The following UBAC2 variants were observed in gnomAD, a reference collection of about 807,000 sequenced individuals.
The protein encoded by UBAC2 is UBA domain containing 2, also known as ubiquitin-associated domain-containing protein 2.
Under a neutral mutation model 44.0 loss-of-function variants are expected in UBAC2, and 26 were observed. The observed-to-expected ratio is 0.59, with a 90% CI of 0.43 to 0.82. The LOEUF is 0.82. Ranked by LOEUF, UBAC2 falls within the 40% of genes least tolerant of loss-of-function variation. The pLI, the probability that UBAC2 is intolerant of heterozygous loss-of-function variation, is 0.00. For synonymous variants in UBAC2, 155 were observed against 154.3 expected (o/e 1.00, Z -0.04); for missense variants, 329 against 419.4 (o/e 0.78, Z 1.88).
intron 4 of UBAC2, among the ~76,000 whole-genome samples, chr13:99,307,651 T>C (rs1310691566): frequency 6.6e-6 from 1 of 152,218 alleles, no homozygotes; most frequent in Non-Finnish European, 1.5e-5. Flanking sequence ...TAAATTTTTC[T>C]GTAAAGGTTT....
At chr13:99,251,984 C>T (rs1397598252) in intron 4 of UBAC2, among the ~76,000 whole-genome samples, 1 of 152,210 alleles carries the variant, frequency 6.6e-6, no homozygotes, top group African/African-American at 2.4e-5. Context: ...TGGCCTTGAA[C>T]TCCTAAGCTC....
chr13:99,344,845 C>T (rs868697195), intron 7 of UBAC2, among the ~76,000 whole-genome samples: 12 of 152,092 alleles, frequency 7.9e-5, no homozygotes, highest in Non-Finnish European at 1.6e-4. Flanking sequence ...CTGGTGGCTT[C>T]GCTGTGGGCA....
chr13:99,355,911 C>T (rs552992267), intron 7 of UBAC2, among the ~76,000 whole-genome samples: 1 of 152,346 alleles, frequency 6.6e-6, no homozygotes, highest in South Asian at 2.1e-4. Flanking sequence ...TTCCCTGCAC[C>T]TCCAGGGCCT....
intron 4 of UBAC2, among the ~76,000 whole-genome samples, chr13:99,285,371 ATTAT>A (rs1401101738): frequency 6.8e-6 from 1 of 148,120 alleles, no homozygotes; most frequent in Non-Finnish European, 1.5e-5. Context: ...TAACTGGCTC[ATTAT>A]TTATTATTAC....
chr13:99,320,361 CA>C (rs991136142), intron 6 of UBAC2, among the ~76,000 whole-genome samples: 29 of 151,490 alleles, frequency 1.9e-4, no homozygotes, highest in African/African-American at 7.0e-4. Flanking sequence ...AATTCTTGAC[CA>C]AAAAAAATCC....
intron 7 of UBAC2, chr13:99,351,527 C>A: frequency 2.2e-6 from 1 of 456,724 alleles, no homozygotes; most frequent in Non-Finnish European, 4.4e-6. Context: ...ATATAGCCAG[C>A]AGCTTTCAAA....
intron 6 of UBAC2, among the ~76,000 whole-genome samples, chr13:99,320,528 T>C (rs181997016): frequency 8.5e-5 from 13 of 152,332 alleles, no homozygotes; most frequent in African/African-American, 2.9e-4. Flanking sequence ...TGACAAAAAA[T>C]CTGATAAATC....
chr13:99,228,004 C>T (rs2043130071), intron 1 of UBAC2, among the ~76,000 whole-genome samples: 1 of 152,066 alleles, frequency 6.6e-6, no homozygotes, highest in Admixed American at 6.6e-5. Context: ...AGACTTGAGA[C>T]CAAGAATTTA....
chr13:99,238,313 T>C (rs2043262827), intron 1 of UBAC2, 114 bp from the exon 2 acceptor site: 2 of 1,373,780 alleles, frequency 1.5e-6, no homozygotes, highest in South Asian at 1.5e-5. Context: ...TCAGAGTTTC[T>C]GGACTTTGTC....
intron 2 of UBAC2, among the ~76,000 whole-genome samples, 179 bp downstream of exon 2, chr13:99,238,733 TAATG>T (rs1285944090): frequency 2.6e-5 from 4 of 152,322 alleles, no homozygotes; most frequent in African/African-American, 9.6e-5. Context: ...AAACAGATAA[TAATG>T]AAGCAATGGC....
At chr13:99,342,924 G>C (rs1203315115) in intron 7 of UBAC2, among the ~76,000 whole-genome samples, 1 of 152,210 alleles carries the variant, frequency 6.6e-6, no homozygotes, top group Non-Finnish European at 1.5e-5. Flanking sequence ...CCATCATGCA[G>C]CCGTTTCTTT....
chr13:99,261,264 C>T (rs2043657333), intron 4 of UBAC2, among the ~76,000 whole-genome samples: 1 of 152,228 alleles, frequency 6.6e-6, no homozygotes, highest in Non-Finnish European at 1.5e-5. Flanking sequence ...AAAGAGTCCT[C>T]TGAACTAGAG....
intron 8 of UBAC2, among the ~76,000 whole-genome samples, chr13:99,379,843 CTGTT>C (rs1475372045): frequency 6.6e-6 from 1 of 152,210 alleles, no homozygotes; most frequent in Non-Finnish European, 1.5e-5. Flanking sequence ...TTTCTTATCA[CTGTT>C]ACCCAGAGGG....
intron 4 of UBAC2, among the ~76,000 whole-genome samples, chr13:99,252,175 C>T (rs1358685064): frequency 6.6e-6 from 1 of 152,266 alleles, no homozygotes; most frequent in Non-Finnish European, 1.5e-5. Context: ...CTCATGCCTA[C>T]TTGGCTTGCT....
chr13:99,310,933 G>C (rs1192023238), intron 4 of UBAC2, among the ~76,000 whole-genome samples: 1 of 152,144 alleles, frequency 6.6e-6, no homozygotes, highest in African/African-American at 2.4e-5. Context: ...CCCAAATAGG[G>C]TTCTATAATC....
At chr13:99,224,075 C>G (rs1038547544) in intron 1 of UBAC2, among the ~76,000 whole-genome samples, 1 of 152,152 alleles carries the variant, frequency 6.6e-6, no homozygotes, top group African/African-American at 2.4e-5. Context: ...TAACAAAATA[C>G]CACAGACTGG....
intron 4 of UBAC2, among the ~76,000 whole-genome samples, chr13:99,297,798 C>T (rs1439140841): frequency 3.3e-5 from 5 of 150,426 alleles, no homozygotes; most frequent in East Asian, 3.9e-4. Flanking sequence ...CAGAGACTAT[C>T]GGTTTAGATT....
In UBAC2 at chr13:99,233,193, A is replaced by G. The variant is rs185349357; in HGVS notation, c.32-5234A>G. On this transcript the variant is annotated intron_variant, in intron 1 of 8. Coordinates refer to ENST00000403766, the MANE Select transcript of UBAC2 (RefSeq NM_001144072.2). Reference sequence around the variant, plus strand: ...AGTGGCGTGATCTCGGCTCACTGCAACCTCCACTACCCGGGTTCAAGTGAT... The same window carrying G: ...AGTGGCGTGATCTCGGCTCACTGCAGCCTCCACTACCCGGGTTCAAGTGAT... 1.4e-4 allele frequency among the ~76,000 whole-genome samples: 21 copies of G among 149,492 alleles called. No individual in the cohort carries two copies. In the East Asian group the frequency reaches 2.9e-3, roughly 20 times the overall value.
intron 1 of UBAC2, among the ~76,000 whole-genome samples, chr13:99,227,242 C>T (rs7322572): frequency 0.46 from 70,192 of 151,840 alleles, 18,716 homozygotes; most frequent in Non-Finnish European, 0.61. Context: ...CCTCCTTCCC[C>T]GGTTATGCTG....
Sources: gnomAD v4.1 joint callset for allele counts (sites outside exome capture counted in the v4.1 genomes callset) on GRCh38, gnomAD v4.1.1 for gene constraint, MANE v1.5 for transcripts, NCBI Gene and HGNC (gene_info 2026-07-23, HGNC 2026-07-21) for gene names.